Variants in PLS3 observed in about 807,000 individuals in gnomAD.
The protein encoded by PLS3 is plastin-3.
A neutral mutation model predicts 46.5 loss-of-function variants in PLS3; 11 were observed. The ratio of observed to expected loss-of-function variants is 0.24; its 90% confidence interval spans 0.15 to 0.39. PLS3 has a LOEUF of 0.39. Ranked by LOEUF, PLS3 falls within the 10% of genes least tolerant of loss-of-function variation. PLS3 has a pLI of 1.00. For synonymous variants in PLS3, 167 were observed against 162.2 expected (o/e 1.03, Z -0.22); for missense variants, 308 against 461.8 (o/e 0.67, Z 3.05).
At chrX:115,599,978 A>G (rs1350472130) in intron 1 of PLS3, among the ~76,000 whole-genome samples, 1 of 110,460 alleles carries the variant, frequency 9.1e-6, no homozygotes, top group Non-Finnish European at 1.9e-5. Flanking sequence ...GTCCTGGGCA[A>G]AGTCAACGAC....
intron 3 of PLS3, among the ~76,000 whole-genome samples, chrX:115,625,065 G>A (rs1213561132): frequency 9.0e-6 from 1 of 111,507 alleles, no homozygotes; most frequent in Admixed American, 9.6e-5. Context: ...ATGTCTGTCC[G>A]CACCCATCTG....
At chrX:115,600,771 A>T in intron 1 of PLS3, among the ~76,000 whole-genome samples, 1 of 111,657 alleles carries the variant, frequency 9.0e-6, no homozygotes, top group Non-Finnish European at 1.9e-5. Flanking sequence ...AAGATTCTAA[A>T]TTCTCTGGGA....
chrX:115,562,984 A>G (rs1383447494), intron 1 of PLS3, among the ~76,000 whole-genome samples: 3 of 111,542 alleles, frequency 2.7e-5, no homozygotes, highest in Non-Finnish European at 5.6e-5. Context: ...AGGGATTGAA[A>G]TATATGTGAG....
intron 10 of PLS3, among the ~76,000 whole-genome samples, chrX:115,644,394 C>T (rs1175219970): frequency 1.8e-5 from 2 of 110,022 alleles, no homozygotes; most frequent in African/African-American, 6.6e-5. Flanking sequence ...GTCAGGAGTT[C>T]GAGACCAGCC....
At chrX:115,643,562 G>T in intron 10 of PLS3, 54 bp downstream of exon 10, 1 of 662,323 alleles carries the variant, frequency 1.5e-6, no homozygotes, top group Non-Finnish European at 2.3e-6. Context: ...GAAATACATA[G>T]GCCACAATGA....
At chrX:115,570,692 T>C (rs2074208707) in intron 1 of PLS3, among the ~76,000 whole-genome samples, 1 of 107,015 alleles carries the variant, frequency 9.3e-6, no homozygotes, top group Admixed American at 1.0e-4. Flanking sequence ...TAGTTTGTTT[T>C]TTAGTAGAGA....
intron 1 of PLS3, among the ~76,000 whole-genome samples, chrX:115,573,879 T>G (rs782577979): frequency 8.2e-4 from 91 of 110,587 alleles, no homozygotes; most frequent in Non-Finnish European, 1.5e-3. Context: ...ATTTTTGTAT[T>G]TTTTAGTAGA....
chrX:115,622,092 G>A, intron 2 of PLS3, 154 bp from the exon 3 acceptor site: 1 of 446,880 alleles, frequency 2.2e-6, no homozygotes, highest in Non-Finnish European at 3.8e-6. Flanking sequence ...CCATTTAAAT[G>A]TCCATTTCCC....
At chrX:115,606,959 G>A (rs1403833372) in intron 1 of PLS3, among the ~76,000 whole-genome samples, 2 of 110,734 alleles carry the variant, frequency 1.8e-5, no homozygotes, top group Non-Finnish European at 3.8e-5. Flanking sequence ...TCTTTAAAAT[G>A]CCTAACTTCA....
chrX:115,642,887 T>C (rs1160173314), intron 9 of PLS3, among the ~76,000 whole-genome samples: 3 of 111,554 alleles, frequency 2.7e-5, no homozygotes, highest in African/African-American at 9.8e-5. Context: ...ATAATTCTAC[T>C]GAAAATATCT....
chrX:115,594,343 A>G (rs1556633506), intron 1 of PLS3, among the ~76,000 whole-genome samples: 2 of 111,317 alleles, frequency 1.8e-5, no homozygotes, highest in Non-Finnish European at 1.9e-5. Flanking sequence ...GTCAATCCTC[A>G]CTCTGAGTTG....
intron 3 of PLS3, among the ~76,000 whole-genome samples, chrX:115,623,814 A>C (rs781868741): frequency 8.9e-6 from 1 of 112,393 alleles, no homozygotes; most frequent in African/African-American, 3.2e-5. Flanking sequence ...TAGCAAGTGA[A>C]ATTTTGAAAT....
Position 115,635,031 on chromosome X carries a change from T to C in PLS3, c.733T>C (p.Leu245=), listed in dbSNP as rs781934640. The change falls in exon 7 of 16, where the codon TTA becomes CTA. Residue 245 remains leucine (L), a synonymous_variant. Coordinates refer to ENST00000355899, the MANE Select transcript of PLS3 (RefSeq NM_005032.7). ...GATCGGTTTGTTCGCTGACATTGAA[T>C]TAAGCAGGAATGAAGGTAATGGAAC... ...IKIGLFADIE[L]SRNEALAALL... 2 of 1,205,634 alleles carry C rather than the reference T, an allele frequency of 1.7e-6. No homozygotes were observed. The highest frequency in any genetic ancestry group is 2.2e-6 in the Non-Finnish European group (2 of 892,838).
chrX:115,575,649 T>C (rs1205963742), intron 1 of PLS3, among the ~76,000 whole-genome samples: 1 of 111,571 alleles, frequency 9.0e-6, no homozygotes. Flanking sequence ...TTCACCGTGT[T>C]AGCCAGGATG....
Position 115,647,603 on chromosome X carries a change from ACAT to A in PLS3, c.1569_1571del (p.Ile524del). On this transcript the variant is annotated inframe_deletion, in exon 14 of 16. Transcript: ENST00000355899. ...GGAGATGGTCAGAAAGCCAATGACG[ACAT>A]CATTGTGAACTGGGTGAACAGAACG... The A allele has an allele frequency of 1.7e-6, 2 of 1,196,783 alleles. No homozygotes were observed. Among genetic ancestry groups the A allele is most frequent in the Non-Finnish European group, 2.3e-6 (2 of 881,773 alleles).
intron 5 of PLS3, among the ~76,000 whole-genome samples, chrX:115,630,740 ATATT>A (rs1479786268): frequency 3.3e-4 from 31 of 94,191 alleles, no homozygotes; most frequent in African/African-American, 1.2e-3. Context: ...GTGTGTATAT[ATATT>A]TACACATATA....
chrX:115,638,180 G>A (rs1556640542), intron 8 of PLS3, among the ~76,000 whole-genome samples: 1 of 110,429 alleles, frequency 9.1e-6, no homozygotes, highest in Non-Finnish European at 1.9e-5. Context: ...GCACTATCTC[G>A]GCTCACTGCA....
intron 15 of PLS3, among the ~76,000 whole-genome samples, chrX:115,648,910 C>G (rs781943559): frequency 3.6e-5 from 4 of 111,700 alleles, no homozygotes; most frequent in African/African-American, 1.3e-4. Flanking sequence ...CTCAGTTCTT[C>G]TGTCCCTTCG....
At chrX:115,639,847 C>T (rs2074876782) in intron 8 of PLS3, 5 of 424,845 alleles carry the variant, frequency 1.2e-5, no homozygotes, top group Non-Finnish European at 1.3e-5. Flanking sequence ...GGGTTTAAAA[C>T]GAAAAGAGAC....
Sources: gnomAD v4.1 joint callset for allele counts (sites outside exome capture counted in the v4.1 genomes callset) on GRCh38, gnomAD v4.1.1 for gene constraint, MANE v1.5 for transcripts, NCBI Gene and HGNC (gene_info 2026-07-23, HGNC 2026-07-21) for gene names.